GSK3B: variants seen among roughly 807,000 people sequenced by gnomAD.
GSK3B encodes the protein glycogen synthase kinase 3 beta, also known as glycogen synthase kinase-3 beta.
In GSK3B, 15 loss-of-function variants were observed where a neutral mutation model predicts 56.4. The observed-to-expected ratio is 0.27, with a 90% confidence interval of 0.18 to 0.41. The LOEUF (loss-of-function observed/expected upper bound fraction) is 0.41. GSK3B is among the 10% of genes least tolerant of loss of function. The pLI, the probability that GSK3B is intolerant of heterozygous loss-of-function variation, is 1.00. For synonymous variants in GSK3B, 181 were observed against 188.9 expected (o/e 0.96, Z 0.34); for missense variants, 300 against 513.4 (o/e 0.58, Z 4.02).
At position 119,824,610 on chromosome 3, in the gene GSK3B, C is replaced by T. The variant is rs1211283502; in HGVS notation, c.*2178G>A. On this transcript the variant is annotated 3_prime_UTR_variant, in exon 11 of 11. Transcript: ENST00000264235. ...GTCTGAAAATGGTCTATCAACGCCA[C>T]TACCTTTAAGGAGTTATGCTGCCAA... 1 of 203,910 alleles carries T rather than the reference C, an allele frequency of 4.9e-6. No individual in the cohort carries two copies. The highest frequency in any genetic ancestry group is 1.0e-5 in the Non-Finnish European group (1 of 99,462). 12.6% of individuals were successfully genotyped at this position (203,910 alleles called of 1,614,324 possible).
chr3:119,902,253 T>C (rs905398184), intron 7 of GSK3B, among the ~76,000 whole-genome samples: 1 of 152,270 alleles, frequency 6.6e-6, no homozygotes, highest in East Asian at 1.9e-4. Flanking sequence ...AAAACTAGAA[T>C]AGCTAGATCA....
At chr3:119,954,089 G>A (rs1357759472) in intron 2 of GSK3B, among the ~76,000 whole-genome samples, 1 of 152,090 alleles carries the variant, frequency 6.6e-6, no homozygotes, top group Non-Finnish European at 1.5e-5. Context: ...TACTCTCAGA[G>A]TTCTCAGAGC....
chr3:120,079,139 A>G (rs1265131855), intron 1 of GSK3B, among the ~76,000 whole-genome samples: 1 of 146,532 alleles, frequency 6.8e-6, no homozygotes, highest in Non-Finnish European at 1.5e-5. Flanking sequence ...ACAGGGTTTC[A>G]CCATGTTGGC....
At chr3:119,902,157 G>A (rs536570279) in intron 7 of GSK3B, among the ~76,000 whole-genome samples, 1 of 152,094 alleles carries the variant, frequency 6.6e-6, no homozygotes, top group African/African-American at 2.4e-5. Flanking sequence ...GTACATGAAA[G>A]TATTTGTTTA....
intron 9 of GSK3B, among the ~76,000 whole-genome samples, chr3:119,863,174 T>TGA: frequency 6.6e-6 from 1 of 152,352 alleles, no homozygotes; most frequent in Admixed American, 6.5e-5. Context: ...ACTTCTCATG[T>TGA]GCCAACATTA....
intron 1 of GSK3B, among the ~76,000 whole-genome samples, chr3:120,046,814 T>C (rs1427077121): frequency 6.6e-6 from 1 of 152,148 alleles, no homozygotes; most frequent in African/African-American, 2.4e-5. Flanking sequence ...TTTCACCTTG[T>C]TGGCCAGGCC....
intron 7 of GSK3B, among the ~76,000 whole-genome samples, chr3:119,889,145 ATCCCC>A (rs1482771947): frequency 6.6e-6 from 1 of 151,998 alleles, no homozygotes; most frequent in African/African-American, 2.4e-5. Context: ...CTGTTCTTGC[ATCCCC>A]TCCCCTTTTG....
chr3:119,912,622 A>G, intron 6 of GSK3B, 82 bp downstream of exon 6: 1 of 582,528 alleles, frequency 1.7e-6, no homozygotes, highest in South Asian at 2.9e-5. Flanking sequence ...CATGGAAATA[A>G]AAGTACAGAT....
intron 10 of GSK3B, among the ~76,000 whole-genome samples, chr3:119,842,749 T>C (rs2055794630): frequency 6.6e-6 from 1 of 152,106 alleles, no homozygotes; most frequent in Non-Finnish European, 1.5e-5. Context: ...ATTTATATCT[T>C]ATATATAAGG....
intron 2 of GSK3B, among the ~76,000 whole-genome samples, chr3:119,975,529 A>G (rs1024261573): frequency 6.6e-6 from 1 of 152,198 alleles, no homozygotes; most frequent in African/African-American, 2.4e-5. Flanking sequence ...GCTAATCTGA[A>G]AAGGCTATAT....
At position 119,863,592 on chromosome 3, in the gene GSK3B, C is replaced by T. The variant is rs775606264; in HGVS notation, c.923G>A (p.Arg308Gln). The change falls in exon 9 of 11, where the codon CGA (arginine) becomes CAA (glutamine). Residue 308 changes from arginine to glutamine, a missense_variant. Around this residue, in one of 6 missense-constraint regions of GSK3B, gnomAD observed 38 missense variants for 58.3 expected, o/e 0.65. Transcript: ENST00000264235. Reference sequence around the variant, plus strand: ...CAGTGCAATTGCCTCCGGTGGAGTTCGGGGTCGGAAGACCTGCAGTACAAA... The same window carrying T: ...CAGTGCAATTGCCTCCGGTGGAGTTTGGGGTCGGAAGACCTGCAGTACAAA... ...AHPWTKVFRPRTPPEAIALCS... is the reference protein window; with the variant it reads ...AHPWTKVFRPQTPPEAIALCS... The T allele has an allele frequency of 5.6e-6, 9 of 1,609,066 alleles. No homozygotes were observed. Among genetic ancestry groups the T allele is most frequent in the Admixed American group, 1.7e-5 (1 of 59,862 alleles).
chr3:120,081,837 C>T (rs1171092498), intron 1 of GSK3B, among the ~76,000 whole-genome samples: 1 of 152,118 alleles, frequency 6.6e-6, no homozygotes, highest in Non-Finnish European at 1.5e-5. Context: ...CAAGGAAGAA[C>T]ATTAGAAGGG....
chr3:119,956,762 T>TTA (rs1303781582), intron 2 of GSK3B, among the ~76,000 whole-genome samples: 4 of 152,106 alleles, frequency 2.6e-5, no homozygotes, highest in Admixed American at 2.0e-4. Flanking sequence ...ATATCATCAT[T>TTA]TAAGCAGACA....
chr3:119,959,707 G>C (rs930251766), intron 2 of GSK3B, among the ~76,000 whole-genome samples: 2 of 151,528 alleles, frequency 1.3e-5, no homozygotes, highest in African/African-American at 4.9e-5. Flanking sequence ...AGTAGAGATG[G>C]GGTTTCACCA....
intron 1 of GSK3B, among the ~76,000 whole-genome samples, chr3:120,085,710 G>A (rs2058457877): frequency 6.6e-6 from 1 of 152,112 alleles, no homozygotes; most frequent in Admixed American, 6.5e-5. Flanking sequence ...GCTGAGGCAG[G>A]GGAATTCCTT....
chr3:120,021,724 T>C (rs1362004399), intron 1 of GSK3B, among the ~76,000 whole-genome samples: 1 of 152,166 alleles, frequency 6.6e-6, no homozygotes, highest in Non-Finnish European at 1.5e-5. Flanking sequence ...CTTGAACAGA[T>C]GAGGAGCTGC....
intron 1 of GSK3B, among the ~76,000 whole-genome samples, chr3:120,073,009 G>T (rs2058338681): frequency 6.6e-6 from 1 of 151,992 alleles, no homozygotes; most frequent in South Asian, 2.1e-4. Context: ...AAATTACCTG[G>T]GTTGGAATCC....
At chr3:119,892,035 G>A (rs540234116) in intron 7 of GSK3B, among the ~76,000 whole-genome samples, 1 of 152,144 alleles carries the variant, frequency 6.6e-6, no homozygotes, top group African/African-American at 2.4e-5. Flanking sequence ...GAAGTACTAC[G>A]GCCCAAGAAG....
chr3:119,941,031 T>C (rs1200485769), intron 3 of GSK3B, among the ~76,000 whole-genome samples: 2 of 147,314 alleles, frequency 1.4e-5, no homozygotes, highest in Non-Finnish European at 3.0e-5. Flanking sequence ...TTTTTTTTTT[T>C]TGAGATGGAG....
Sources: gnomAD v4.1 joint callset for allele counts (sites outside exome capture counted in the v4.1 genomes callset) on GRCh38, gnomAD v4.1.1 for gene constraint, gnomAD v4.1.1 regional missense constraint, MANE v1.5 for transcripts, NCBI Gene and HGNC (gene_info 2026-07-23, HGNC 2026-07-21) for gene names.